The following XYLT1 variants were observed in gnomAD, a reference collection of about 807,000 sequenced individuals.
XYLT1 encodes the protein beta-D-xylosyltransferase 1.
XYLT1 carries 36 observed loss-of-function variants against 91.3 expected under a neutral mutation model. The observed-to-expected ratio is 0.39, with a 90% CI of 0.30 to 0.52. XYLT1 has a LOEUF of 0.52. Among genes scored for constraint, XYLT1 ranks in the 20% least tolerant of loss-of-function variants. The pLI, the probability that XYLT1 is intolerant of heterozygous loss-of-function variation, is 0.68. For synonymous variants in XYLT1, 588 were observed against 532.0 expected (o/e 1.11, Z -1.45); for missense variants, 1,242 against 1,284.5 (o/e 0.97, Z 0.51).
chr16:17,158,054 G>T (rs1008029464), intron 6 of XYLT1, among the ~76,000 whole-genome samples: 1 of 152,072 alleles, frequency 6.6e-6, no homozygotes, highest in African/African-American at 2.4e-5. Flanking sequence ...GCCTTTAATG[G>T]TATTTTCTAT....
intron 5 of XYLT1, among the ~76,000 whole-genome samples, chr16:17,178,164 G>T (rs2031985640): frequency 6.6e-6 from 1 of 152,166 alleles, no homozygotes; most frequent in African/African-American, 2.4e-5. Context: ...CAAACTGCCT[G>T]TCTCCTCTCG....
chr16:17,227,590 A>G (rs973487390), intron 3 of XYLT1: 2 of 152,314 alleles, frequency 1.3e-5, no homozygotes, highest in African/African-American at 4.8e-5. Context: ...GCTTTGGCCC[A>G]GGAAGGTAGA....
At chr16:17,265,868 C>T (rs2033796279) in intron 2 of XYLT1, among the ~76,000 whole-genome samples, 1 of 152,110 alleles carries the variant, frequency 6.6e-6, no homozygotes, top group African/African-American at 2.4e-5. Context: ...AAACTATCCA[C>T]CTTTGCTCTT....
intron 3 of XYLT1, among the ~76,000 whole-genome samples, chr16:17,213,127 G>A (rs1269912908): frequency 6.6e-6 from 1 of 152,148 alleles, no homozygotes; most frequent in Non-Finnish European, 1.5e-5. Context: ...GATCCTTCAT[G>A]AATGGTTTAG....
chr16:17,330,330 G>A (rs1353697236), intron 2 of XYLT1, among the ~76,000 whole-genome samples: 1 of 152,196 alleles, frequency 6.6e-6, no homozygotes, highest in East Asian at 1.9e-4. Flanking sequence ...CCCAGAAGGA[G>A]CAGAACAGGT....
At chr16:17,342,460 G>A (rs1473224285) in intron 2 of XYLT1, among the ~76,000 whole-genome samples, 2 of 152,272 alleles carry the variant, frequency 1.3e-5, no homozygotes, top group East Asian at 1.9e-4. Context: ...GGCGGCTCAT[G>A]CCTGTAATCC....
At position 17,156,750 on chromosome 16, in the gene XYLT1, T is replaced by C. The variant is rs540034438; in HGVS notation, c.1370+2079A>G. On this transcript the variant is annotated intron_variant, in intron 6 of 11. Coordinates refer to ENST00000261381, the MANE Select transcript of XYLT1 (RefSeq NM_022166.4). Reference sequence around the variant, plus strand: ...TCATCCAGCCAGGCCTCTGTACTCTTAGTGGCCTGAGCGTAGTAAACTAAT... The same window carrying C: ...TCATCCAGCCAGGCCTCTGTACTCTCAGTGGCCTGAGCGTAGTAAACTAAT... Among the ~76,000 whole-genome samples the C allele has an allele frequency of 2.6e-5, 4 of 152,294 alleles. No individual in the cohort carries two copies. The South Asian group carries it at 8.3e-4, about 32-fold the overall frequency.
intron 8 of XYLT1, among the ~76,000 whole-genome samples, chr16:17,137,836 TGATGAG>T (rs1158126545): frequency 6.6e-6 from 1 of 152,206 alleles, no homozygotes; most frequent in African/African-American, 2.4e-5. Flanking sequence ...TCGATATCAC[TGATGAG>T]GGTTTCTCAA....
chr16:17,222,516 G>A (rs542839966), intron 3 of XYLT1, among the ~76,000 whole-genome samples: 4 of 152,210 alleles, frequency 2.6e-5, no homozygotes, highest in Non-Finnish European at 1.5e-5. Flanking sequence ...TAGACCGGGC[G>A]CAGTGGCTTA....
chr16:17,457,924 AAAG>A (rs1218037688), intron 1 of XYLT1, among the ~76,000 whole-genome samples: 1 of 152,220 alleles, frequency 6.6e-6, no homozygotes, highest in African/African-American at 2.4e-5. Flanking sequence ...CAAAAGGAAA[AAAG>A]AAGAAGAAAA....
At chr16:17,283,263 T>C (rs2034084567) in intron 2 of XYLT1, among the ~76,000 whole-genome samples, 1 of 152,180 alleles carries the variant, frequency 6.6e-6, no homozygotes. Context: ...CATATGCTCT[T>C]CTGTTTAGCT....
chr16:17,113,331 C>G (rs1966846025), intron 11 of XYLT1, among the ~76,000 whole-genome samples: 1 of 151,918 alleles, frequency 6.6e-6, no homozygotes, highest in East Asian at 1.9e-4. Flanking sequence ...TTAGGAGAGA[C>G]AGGGTTTCAC....
intron 3 of XYLT1, among the ~76,000 whole-genome samples, chr16:17,232,145 GATT>G (rs1437706455): frequency 1.4e-5 from 2 of 139,978 alleles, no homozygotes; most frequent in African/African-American, 2.6e-5. Context: ...ATAGATAATA[GATT>G]ATAATCGATT....
Position 17,271,225 on chromosome 16 carries a change from A to G in XYLT1, c.403-11727T>C, listed in dbSNP as rs1359323737. On this transcript the variant is annotated intron_variant, in intron 2 of 11. Transcript: ENST00000261381. The stretch of plus-strand genomic sequence containing the variant: ...CTCTTCTTCGTTACTATTTGAACAC[A>G]GTTTGCCTCTAATTAATTGCAGCAT... Among the ~76,000 whole-genome samples the G allele has an allele frequency of 2.0e-5, 3 of 152,196 alleles. No individual in the cohort carries two copies. In the South Asian group the frequency reaches 6.2e-4, roughly 31 times the overall value.
intron 1 of XYLT1, among the ~76,000 whole-genome samples, chr16:17,398,491 T>A (rs968568136): frequency 1.3e-5 from 2 of 152,174 alleles, no homozygotes. Context: ...GTGATTTTTT[T>A]CGGGGAGTAG....
intron 1 of XYLT1, among the ~76,000 whole-genome samples, chr16:17,364,602 C>T (rs1007208499): frequency 4.6e-5 from 7 of 152,262 alleles, no homozygotes; most frequent in Non-Finnish European, 7.3e-5. Context: ...TGTCACGTGA[C>T]GGCAGTGAAC....
In XYLT1 at chr16:17,284,712, T is replaced by C. The variant is rs376425139; in HGVS notation, c.403-25214A>G. ...CAGGGGGATCACTTGAGCCCAGGAG[T>C]TCGAGGCTGCAGTGAGCTACGACTA... On this transcript the variant is annotated intron_variant, in intron 2 of 11. Transcript: ENST00000261381. Among the ~76,000 whole-genome samples the C allele has an allele frequency of 7.9e-5, 12 of 152,110 alleles. No homozygotes were observed. In the South Asian group the frequency reaches 2.1e-3, roughly 26 times the overall value.
intron 5 of XYLT1, among the ~76,000 whole-genome samples, chr16:17,177,153 C>T (rs1483791739): frequency 6.6e-6 from 1 of 152,134 alleles, no homozygotes; most frequent in Non-Finnish European, 1.5e-5. Flanking sequence ...ATGTTCACCG[C>T]CCCCTTTTTT....
At chr16:17,338,716 C>G (rs1008663614) in intron 2 of XYLT1, among the ~76,000 whole-genome samples, 1 of 152,150 alleles carries the variant, frequency 6.6e-6, no homozygotes, top group Non-Finnish European at 1.5e-5. Context: ...TCCAAAGTAG[C>G]TGGGACTACA....
Sources: allele counts gnomAD v4.1 joint callset (sites outside exome capture counted in the v4.1 genomes callset), GRCh38; gene constraint gnomAD v4.1.1; transcripts MANE v1.5; gene names NCBI Gene and HGNC (gene_info 2026-07-23, HGNC 2026-07-21).